TBK1: variants seen among roughly 807,000 people sequenced by gnomAD.
TBK1 encodes TANK binding kinase 1.
A neutral mutation model predicts 99.9 loss-of-function variants in TBK1; 37 were observed. The ratio of observed to expected loss-of-function variants is 0.37; its 90% CI spans 0.28 to 0.49. The LOEUF is 0.49. TBK1 is among the 20% of genes least tolerant of loss of function. The probability of loss-of-function intolerance (pLI) is 0.98; values close to 1 mark genes in which losing one functional copy is unlikely to be tolerated. For missense variants in TBK1, 644 were observed against 872.5 expected (o/e 0.74, Z 3.30); for synonymous variants, 258 against 279.8 (o/e 0.92, Z 0.78).
chr12:64,492,581 C>T (rs931933912), intron 13 of TBK1, among the ~76,000 whole-genome samples: 8 of 152,216 alleles, frequency 5.3e-5, no homozygotes, highest in African/African-American at 1.9e-4. Flanking sequence ...GCTGGGATTA[C>T]AGGCATGAGC....
At chr12:64,493,856 T>C (rs2040898104) in intron 13 of TBK1, among the ~76,000 whole-genome samples, 1 of 152,198 alleles carries the variant, frequency 6.6e-6, no homozygotes, top group East Asian at 1.9e-4. Flanking sequence ...ATTAAATGAC[T>C]GTTACTCTAC....
intron 5 of TBK1, 32 bp downstream of exon 5, chr12:64,467,114 A>G (rs767453902): frequency 6.7e-7 from 1 of 1,484,720 alleles, no homozygotes; most frequent in Admixed American, 2.0e-5. Flanking sequence ...TTTTCATTTA[A>G]AGAAGCTTGA....
intron 6 of TBK1, among the ~76,000 whole-genome samples, chr12:64,478,993 A>G (rs905138886): frequency 6.6e-6 from 1 of 152,250 alleles, no homozygotes; most frequent in Admixed American, 6.5e-5. Context: ...GGGCAGATAT[A>G]CCATTAGAAG....
chr12:64,480,417 G>A (rs1592366503), intron 7 of TBK1, among the ~76,000 whole-genome samples: 1 of 152,042 alleles, frequency 6.6e-6, no homozygotes, highest in Non-Finnish European at 1.5e-5. Context: ...CAGGACCTTA[G>A]TATCTTTTGT....
In TBK1 at chr12:64,490,027, G is replaced by A. The variant is rs1475222694; in HGVS notation, c.1443-14G>A. The A allele has an allele frequency of 6.3e-7, 1 of 1,575,900 alleles. No homozygotes were observed. On this transcript the variant is annotated splice_polypyrimidine_tract_variant and intron_variant, in intron 12 of 20. Coordinates refer to ENST00000331710, the MANE Select transcript of TBK1 (RefSeq NM_013254.4). ...TTATACTCATTTAATTTTCTCTTTT[G>A]ACTTTTCATACAGATATGAAAAGTT...
intron 1 of TBK1, 141 bp downstream of exon 1, chr12:64,452,328 C>T (rs1028119784): frequency 1.3e-5 from 2 of 152,656 alleles, no homozygotes; most frequent in Non-Finnish European, 1.5e-5. Flanking sequence ...GGCGGGCGCA[C>T]CGAGAAGCCC....
intron 2 of TBK1, among the ~76,000 whole-genome samples, 169 bp downstream of exon 2, chr12:64,456,126 A>C (rs2040484930): frequency 6.6e-6 from 1 of 152,232 alleles, no homozygotes; most frequent in Admixed American, 6.5e-5. Flanking sequence ...GGCAGTGAAC[A>C]TATCTACCCA....
intron 4 of TBK1, among the ~76,000 whole-genome samples, chr12:64,465,931 C>T (rs2040599078): frequency 6.6e-6 from 1 of 151,922 alleles, no homozygotes; most frequent in Admixed American, 6.6e-5. Context: ...TCTCAGTGAA[C>T]CTATTTTTTA....
intron 13 of TBK1, among the ~76,000 whole-genome samples, chr12:64,492,835 G>A (rs1242340927): frequency 1.3e-5 from 2 of 150,826 alleles, no homozygotes; most frequent in African/African-American, 4.9e-5. Context: ...TGATTCTCCT[G>A]CCTCAGCCTC....
intron 6 of TBK1, among the ~76,000 whole-genome samples, chr12:64,478,776 T>A (rs1191413320): frequency 6.6e-6 from 1 of 152,208 alleles, no homozygotes; most frequent in African/African-American, 2.4e-5. Context: ...AAACTGATAA[T>A]TTGTGTTTTT....
intron 2 of TBK1, among the ~76,000 whole-genome samples, chr12:64,456,183 T>C (rs1320893545): frequency 6.6e-6 from 1 of 152,160 alleles, no homozygotes; most frequent in Non-Finnish European, 1.5e-5. Context: ...AACAGATTGG[T>C]TGAAAATGGA....
chr12:64,458,426 GGTGTGTGTATATGT>G (rs1269887091), intron 2 of TBK1, among the ~76,000 whole-genome samples: 1 of 151,068 alleles, frequency 6.6e-6, no homozygotes, highest in Non-Finnish European at 1.5e-5. Context: ...TATGAGTGTG[GGTGTGTGTATATGT>G]GTGTGATTAC....
At chr12:64,467,708 A>G in intron 5 of TBK1, among the ~76,000 whole-genome samples, 1 of 152,228 alleles carries the variant, frequency 6.6e-6, no homozygotes, top group Non-Finnish European at 1.5e-5. Context: ...CTTAAAAGTC[A>G]TAGAATCAAT....
At chr12:64,498,730 C>T (rs990968817) in intron 20 of TBK1, among the ~76,000 whole-genome samples, 1 of 152,124 alleles carries the variant, frequency 6.6e-6, no homozygotes, top group East Asian at 1.9e-4. Flanking sequence ...CCAAGGCAGG[C>T]AGATTGCCTG....
At chr12:64,500,753 CTTTTTTTTTT>C (rs1009756107) in intron 20 of TBK1, among the ~76,000 whole-genome samples, 1 of 98,966 alleles carries the variant, frequency 1.0e-5, no homozygotes, top group Non-Finnish European at 2.0e-5. Context: ...AACTCGGTAT[CTTTTTTTTTT>C]TTTTTTTTTT....
At chr12:64,463,698 C>A (rs368994299) in intron 3 of TBK1, among the ~76,000 whole-genome samples, 2,225 of 127,512 alleles carry the variant, frequency 0.017, no homozygotes, top group African/African-American at 0.018. Flanking sequence ...GACTCTGTCT[C>A]AAAAAAAAAA....
At chr12:64,498,127 C>T in intron 20 of TBK1, 88 bp downstream of exon 20, 1 of 1,133,040 alleles carries the variant, frequency 8.8e-7, no homozygotes, top group Non-Finnish European at 1.3e-6. Flanking sequence ...TCAATAGATT[C>T]AGCAGTGGTA....
intron 1 of TBK1, among the ~76,000 whole-genome samples, chr12:64,454,153 AAATT>A (rs559758603): frequency 1.3e-5 from 2 of 152,328 alleles, no homozygotes; most frequent in South Asian, 4.1e-4. Context: ...ATTATGTCAT[AAATT>A]AATCTTTCAA....
chr12:64,481,568 A>C (rs1592367104), intron 7 of TBK1, among the ~76,000 whole-genome samples: 2 of 152,172 alleles, frequency 1.3e-5, no homozygotes, highest in African/African-American at 4.8e-5. Flanking sequence ...CAATGCATAA[A>C]GCATCTGTGA....
Sources: allele counts gnomAD v4.1 joint callset (sites outside exome capture counted in the v4.1 genomes callset), GRCh38; gene constraint gnomAD v4.1.1; transcripts MANE v1.5; gene names NCBI Gene and HGNC (gene_info 2026-07-23, HGNC 2026-07-21).